Variants in KLF8 observed in about 807,000 individuals in gnomAD.
KLF8 encodes KLF transcription factor 8.
KLF8 carries 10 observed loss-of-function variants against 18.2 expected under a neutral mutation model. That is an observed-to-expected ratio of 0.55 (90% CI 0.34 to 0.93). KLF8 has a LOEUF of 0.93. Ranked by LOEUF, KLF8 falls within the 40% of genes least tolerant of loss-of-function variation. The pLI, the probability that KLF8 is intolerant of heterozygous loss-of-function variation, is 0.02. For synonymous variants in KLF8, 109 were observed against 97.3 expected (o/e 1.12, Z -0.71); for missense variants, 264 against 277.9 (o/e 0.95, Z 0.36).
At chrX:56,119,904 C>A in the KLF8 span, among the ~76,000 whole-genome samples, 1 of 108,423 alleles carries the variant, frequency 9.2e-6, no homozygotes, top group Non-Finnish European at 1.9e-5. Context: ...CCCAAGTATT[C>A]TTTGGGTACT....
chrX:55,961,644 A>AT, the KLF8 span: 2 of 415,146 alleles, frequency 4.8e-6, no homozygotes, highest in East Asian at 5.0e-5. Context: ...TTCTGCAAAG[A>AT]TTTTTTAAGC....
the KLF8 span, among the ~76,000 whole-genome samples, chrX:55,947,787 A>C: frequency 8.9e-6 from 1 of 111,811 alleles, no homozygotes; most frequent in Non-Finnish European, 1.9e-5. Flanking sequence ...TTTATATTAT[A>C]ATGTAGAAGA....
the KLF8 span, among the ~76,000 whole-genome samples, chrX:56,048,484 A>G: frequency 8.9e-6 from 1 of 111,901 alleles, no homozygotes; most frequent in Non-Finnish European, 1.9e-5. Flanking sequence ...CTTTCTACAT[A>G]TGGCTAGCCA....
chrX:55,962,354 G>A, the KLF8 span: 1 of 210,271 alleles, frequency 4.8e-6, no homozygotes, highest in Non-Finnish European at 9.2e-6. Context: ...GCTAAAGCCT[G>A]ATCAGGTGGA....
chrX:56,185,937 C>T, the KLF8 span, among the ~76,000 whole-genome samples: 7 of 111,984 alleles, frequency 6.3e-5, no homozygotes, highest in Non-Finnish European at 9.4e-5. Context: ...ATTGTAAAGA[C>T]CATTGAGGCT....
chrX:56,172,694 A>G, the KLF8 span, among the ~76,000 whole-genome samples: 2 of 111,987 alleles, frequency 1.8e-5, no homozygotes, highest in African/African-American at 6.5e-5. Context: ...GACTTCCACA[A>G]TGGTAGAACT....
the KLF8 span, among the ~76,000 whole-genome samples, chrX:56,165,737 G>T: frequency 9.0e-6 from 1 of 110,614 alleles, no homozygotes; most frequent in Non-Finnish European, 1.9e-5. Flanking sequence ...TCTACATGCT[G>T]GTAGTCCTGG....
the KLF8 span, among the ~76,000 whole-genome samples, chrX:55,983,872 T>C: frequency 3.4e-4 from 37 of 110,234 alleles, no homozygotes; most frequent in African/African-American, 1.2e-3. Context: ...TAAAAACATG[T>C]GATATTTTGT....
chrX:56,004,490 G>C, the KLF8 span, among the ~76,000 whole-genome samples: 3 of 111,758 alleles, frequency 2.7e-5, no homozygotes, highest in Admixed American at 9.5e-5. Flanking sequence ...GGCTGAAGAG[G>C]TACAAGTAGG....
the KLF8 span, among the ~76,000 whole-genome samples, chrX:56,110,659 A>G: frequency 9.0e-6 from 1 of 111,600 alleles, no homozygotes; most frequent in African/African-American, 3.3e-5. Context: ...TACAATAGGC[A>G]TCCTAAAATT....
intron 1 of KLF8, chrX:56,243,019 G>A (rs1366238801): frequency 8.0e-6 from 4 of 499,890 alleles, no homozygotes; most frequent in South Asian, 6.8e-5. Flanking sequence ...CTCTCCATCA[G>A]GTCAAATCAG....
chrX:56,232,668 T>G lies in KLF8; in HGVS notation c.-667T>G, dbSNP rs943202517. The G allele has an allele frequency of 9.0e-6, 1 of 111,469 alleles. No homozygotes were observed. Among genetic ancestry groups the G allele is most frequent in the Non-Finnish European group, 1.9e-5 (1 of 53,114 alleles). The allele number at this position is 111,469 out of a possible 1,213,427, so 9.2% of individuals were successfully genotyped here. A position where few individuals can be genotyped will look rare whatever the true frequency, so the allele number is the denominator to read the frequency against. On this transcript the variant is annotated 5_prime_UTR_variant, in exon 1 of 6. Coordinates refer to ENST00000468660, the MANE Select transcript of KLF8 (RefSeq NM_007250.5). ...TATGATTCTACCAATCGTCGGCATT[T>G]TTTTCCTCCCTTCTTTCTTTTTAGG...
the KLF8 span, among the ~76,000 whole-genome samples, chrX:56,177,890 C>T: frequency 1.8e-5 from 2 of 112,042 alleles, no homozygotes; most frequent in African/African-American, 6.5e-5. Context: ...GGGTGTAGGT[C>T]CCTCCAAGCC....
chrX:56,085,886 A>G, the KLF8 span, among the ~76,000 whole-genome samples: 3 of 112,313 alleles, frequency 2.7e-5, no homozygotes, highest in East Asian at 5.6e-4. Context: ...ATGTAGAAAC[A>G]TAAAGAGTCT....
At chrX:56,244,626 G>A (rs1188651992) in intron 1 of KLF8, among the ~76,000 whole-genome samples, 1 of 111,910 alleles carries the variant, frequency 8.9e-6, no homozygotes, top group Non-Finnish European at 1.9e-5. Flanking sequence ...AATGAATGTC[G>A]GCTGTTATAG....
In KLF8 at chrX:56,284,692, C is replaced by T; in HGVS notation, c.*198C>T. On this transcript the variant is annotated 3_prime_UTR_variant, in exon 6 of 6. Transcript: ENST00000468660. The stretch of plus-strand genomic sequence containing the variant: ...TATTCTACCTTCACTTCTCCACTGT[C>T]CAGACCCGTTTTTTTCAACCTCCAC... 1 of 304,548 alleles carries T rather than the reference C, an allele frequency of 3.3e-6. No homozygotes were observed. The highest frequency in any genetic ancestry group is 5.7e-6 in the Non-Finnish European group (1 of 176,988). The allele number at this position is 304,548 out of a possible 1,213,427, so 25.1% of individuals were successfully genotyped here. A position where few individuals can be genotyped will look rare whatever the true frequency, so the allele number is the denominator to read the frequency against.
At chrX:55,938,821 C>A in the KLF8 span, among the ~76,000 whole-genome samples, 2 of 111,546 alleles carry the variant, frequency 1.8e-5, no homozygotes, top group Admixed American at 1.9e-4. Context: ...AGAAGAAGAC[C>A]TAACTATCCG....
At chrX:56,270,387 A>ACAC in intron 5 of KLF8, 66 bp downstream of exon 5, 1 of 746,880 alleles carries the variant, frequency 1.3e-6, no homozygotes, top group Non-Finnish European at 1.8e-6. Flanking sequence ...CACACGAGAG[A>ACAC]GAGAGAGAGA....
chrX:56,235,384 A>G (rs2066460549), intron 1 of KLF8, among the ~76,000 whole-genome samples: 1 of 105,845 alleles, frequency 9.4e-6, no homozygotes, highest in South Asian at 4.3e-4. Flanking sequence ...TTATTCAAAG[A>G]CAGTGTGAGA....
Sources: gnomAD v4.1 joint callset for allele counts (sites outside exome capture counted in the v4.1 genomes callset) on GRCh38, gnomAD v4.1.1 for gene constraint, MANE v1.5 for transcripts, NCBI Gene and HGNC (gene_info 2026-07-23, HGNC 2026-07-21) for gene names.